FYN: variants seen among roughly 807,000 people sequenced by gnomAD.
FYN encodes tyrosine-protein kinase Fyn.
In FYN, 10 loss-of-function variants were observed where a neutral mutation model predicts 70.2. That is an observed-to-expected ratio of 0.14 (90% CI 0.09 to 0.24). The LOEUF is 0.24. FYN is among the 10% of genes least tolerant of loss of function. The pLI is 1.00. For synonymous variants in FYN, 236 were observed against 248.6 expected (o/e 0.95, Z 0.48); for missense variants, 319 against 673.1 (o/e 0.47, Z 5.82).
chr6:111,757,994 A>G (rs1429910709), intron 3 of FYN, among the ~76,000 whole-genome samples: 3 of 152,216 alleles, frequency 2.0e-5, no homozygotes, highest in Non-Finnish European at 4.4e-5. Context: ...AAAAGGGTAG[A>G]GAATGTTCTA....
chr6:111,773,578 GAGGGGGAGGGAAAGGGAAA>G (rs1803570255), intron 3 of FYN, among the ~76,000 whole-genome samples: 1 of 77,466 alleles, frequency 1.3e-5, no homozygotes, highest in Non-Finnish European at 2.6e-5. Context: ...GGGAGAGGGG[GAGGGGGAGGGAAAGGGAAA>G]GGGAGAGAGG....
chr6:111,869,839 G>T (rs1358314214), intron 1 of FYN, among the ~76,000 whole-genome samples: 1 of 152,220 alleles, frequency 6.6e-6, no homozygotes, highest in Non-Finnish European at 1.5e-5. Flanking sequence ...TATCACATGG[G>T]ATTATTGAGT....
intron 3 of FYN, among the ~76,000 whole-genome samples, chr6:111,762,324 T>C (rs1055343365): frequency 2.0e-5 from 3 of 152,220 alleles, no homozygotes; most frequent in African/African-American, 7.2e-5. Flanking sequence ...GTCTATTTTA[T>C]TGTAAACGAT....
chr6:111,827,388 C>G (rs1415479821), intron 2 of FYN, among the ~76,000 whole-genome samples: 2 of 152,170 alleles, frequency 1.3e-5, no homozygotes, highest in African/African-American at 4.8e-5. Context: ...TAACACCAAG[C>G]TGCAACAGCT....
chr6:111,760,233 A>G (rs1268451098), intron 3 of FYN, among the ~76,000 whole-genome samples: 3 of 152,130 alleles, frequency 2.0e-5, no homozygotes, highest in Non-Finnish European at 4.4e-5. Context: ...ACAAAACCCA[A>G]ATGGAAAATT....
intron 1 of FYN, among the ~76,000 whole-genome samples, chr6:111,871,799 C>T (rs1429051881): frequency 6.6e-6 from 1 of 152,234 alleles, no homozygotes; most frequent in Non-Finnish European, 1.5e-5. Flanking sequence ...ACTCTTAAGA[C>T]TGCTGGGATA....
chr6:111,759,853 AAGG>A (rs1394819869), intron 3 of FYN: 2 of 152,234 alleles, frequency 1.3e-5, no homozygotes, highest in Non-Finnish European at 2.9e-5. Context: ...ACCTGACTGA[AAGG>A]AGAAGGAGAA....
At chr6:111,846,917 T>TACAC (rs547328770) in intron 1 of FYN, among the ~76,000 whole-genome samples, 1 of 151,520 alleles carries the variant, frequency 6.6e-6, no homozygotes, top group Non-Finnish European at 1.5e-5. Flanking sequence ...CACACACACA[T>TACAC]ACACACACAC....
chr6:111,719,901 T>C lies in FYN; in HGVS notation c.151A>G (p.Asn51Asp). The C allele has an allele frequency of 6.2e-7, 1 of 1,614,054 alleles. No individual in the cohort carries two copies. Among genetic ancestry groups the C allele is most frequent in the Non-Finnish European group, 8.5e-7 (1 of 1,179,998 alleles). ...TGGCCCCCGGCTGCGTGGAAGTTGT[T>C]GTAGTTGGGGATGGAGGTCACACCG... ...SFGVTSIPNY[N>D]NFHAAGGQGL... Residue 51 changes from asparagine to aspartate, a missense_variant, in exon 4 of 14, where the codon AAC (asparagine) becomes GAC (aspartate). Around this residue, in one of 4 missense-constraint regions of FYN, gnomAD observed 128 missense variants for 183.9 expected, o/e 0.70. Coordinates refer to ENST00000354650, the MANE Select transcript of FYN (RefSeq NM_002037.5).
At chr6:111,805,604 G>A (rs1448065702) in intron 2 of FYN, among the ~76,000 whole-genome samples, 1 of 151,860 alleles carries the variant, frequency 6.6e-6, no homozygotes, top group Non-Finnish European at 1.5e-5. Context: ...TCCTCCTATC[G>A]GCTTCACAGC....
intron 3 of FYN, among the ~76,000 whole-genome samples, chr6:111,721,328 TC>T (rs774262261): frequency 2.6e-5 from 4 of 152,308 alleles, no homozygotes; most frequent in Middle Eastern, 3.4e-3. Flanking sequence ...TCTGTTTTCA[TC>T]ACAGCTACAT....
At chr6:111,743,030 G>A (rs892300239) in intron 3 of FYN, among the ~76,000 whole-genome samples, 3 of 150,378 alleles carry the variant, frequency 2.0e-5, no homozygotes, top group East Asian at 2.0e-4. Flanking sequence ...GCAGTGGCAC[G>A]ATCTCGGCTC....
intron 2 of FYN, among the ~76,000 whole-genome samples, chr6:111,801,830 T>G (rs1037591143): frequency 6.6e-6 from 1 of 152,194 alleles, no homozygotes; most frequent in South Asian, 2.1e-4. Flanking sequence ...AGAAAATGGC[T>G]TTGCCTCCAT....
chr6:111,867,019 C>T (rs140881847), intron 1 of FYN, among the ~76,000 whole-genome samples: 1 of 152,284 alleles, frequency 6.6e-6, no homozygotes, highest in African/African-American at 2.4e-5. Flanking sequence ...TCTAGTACTC[C>T]GCAGGCTCCT....
intron 1 of FYN, among the ~76,000 whole-genome samples, chr6:111,865,852 AG>A (rs1369884849): frequency 2.0e-5 from 3 of 152,224 alleles, no homozygotes; most frequent in African/African-American, 7.2e-5. Context: ...ACCCTTTTAC[AG>A]GGTTAACGTC....
intron 13 of FYN, 145 bp from the exon 14 acceptor site, chr6:111,662,092 C>A (rs1047280276): frequency 1.3e-4 from 80 of 620,424 alleles, no homozygotes; most frequent in Non-Finnish European, 2.1e-4. Flanking sequence ...TCAAACCCTG[C>A]CATGCTACTC....
intron 2 of FYN, among the ~76,000 whole-genome samples, chr6:111,835,425 T>G (rs1438244760): frequency 1.3e-5 from 2 of 152,370 alleles, no homozygotes; most frequent in Admixed American, 6.5e-5. Context: ...CTAAGGAAAT[T>G]GAACACTCGA....
chr6:111,820,780 A>G (rs1478968975), intron 2 of FYN, among the ~76,000 whole-genome samples: 1 of 151,796 alleles, frequency 6.6e-6, no homozygotes, highest in African/African-American at 2.4e-5. Context: ...GAATTATTCA[A>G]AATGCTATGC....
chr6:111,800,262 G>A (rs1030759807), intron 2 of FYN, among the ~76,000 whole-genome samples: 6 of 152,204 alleles, frequency 3.9e-5, no homozygotes, highest in Admixed American at 3.3e-4. Flanking sequence ...AATAAGCAAC[G>A]TAAAATGCTT....
Sources: allele counts gnomAD v4.1 joint callset (sites outside exome capture counted in the v4.1 genomes callset), GRCh38; gene constraint gnomAD v4.1.1; regional missense constraint gnomAD v4.1.1; transcripts MANE v1.5; gene names NCBI Gene and HGNC (gene_info 2026-07-23, HGNC 2026-07-21).